The following RNF207 variants were observed in gnomAD, a reference collection of about 807,000 sequenced individuals.
RNF207 encodes OTTHUMG00000001089.
RNF207 carries 72 observed loss-of-function variants against 79.0 expected under a neutral mutation model. The observed-to-expected ratio is 0.91, with a 90% CI of 0.75 to 1.11. The LOEUF (loss-of-function observed/expected upper bound fraction) is 1.11. Ranked by LOEUF, RNF207 falls within the 50% of genes least tolerant of loss-of-function variation. The pLI is 0.00. For synonymous variants in RNF207, 348 were observed against 366.2 expected, an observed-to-expected ratio of 0.95 and a Z score of 0.57; for missense variants, 936 against 855.8, an observed-to-expected ratio of 1.09 and a Z score of -1.17.
Position 6,207,459 on chromosome 1 carries a change from A to G in RNF207, c.272A>G (p.Asp91Gly). The G allele has an allele frequency of 6.4e-7, 1 of 1,563,234 alleles. No homozygotes were observed. Among genetic ancestry groups the G allele is most frequent in the Non-Finnish European group, 8.7e-7 (1 of 1,150,668 alleles). Residue 91 changes from aspartate (D) to glycine (G), a missense_variant, in exon 3 of 18, where the codon GAT (aspartate) becomes GGT (glycine). Physicochemically the swap from Asp to Gly is moderately conservative, Grantham distance 94. Transcript: ENST00000377939. This position sits in a 1 kb window ranked among gnomAD's most constrained non-coding sequence, Gnocchi z 4.5. ...CAGTTCCTGGTGGACAGCTCAGGGG[A>G]TGGCGTGGAGGCGGTGCGCTGTGCC... The part of the protein sequence containing the change: ...LLQFLVDSSG[D>G]GVEAVRCANC...
Position 6,217,490 on chromosome 1 carries a change from G to T in RNF207, c.1653-799G>T, listed in dbSNP as rs929001857. On this transcript the variant is annotated intron_variant, in intron 16 of 17. Coordinates refer to ENST00000377939, the MANE Select transcript of RNF207 (RefSeq NM_207396.3). This position sits in a 1 kb window ranked among gnomAD's most constrained non-coding sequence, Gnocchi z 4.2. ...CCCTACCTGGATGTCTACAGGCACC[G>T]CGAGTTCAGCAGTGGCCAGAATGCT... Among the ~76,000 whole-genome samples the T allele has an allele frequency of 1.3e-5, 2 of 152,134 alleles. No individual in the cohort carries two copies. Among genetic ancestry groups the T allele is most frequent in the South Asian group, 2.1e-4 (1 of 4,830 alleles).
intron 14 of RNF207, 31 bp downstream of exon 14, chr1:6,212,447 C>T (rs979534842): frequency 2.5e-6 from 4 of 1,579,176 alleles, no homozygotes; most frequent in African/African-American, 1.3e-5. Flanking sequence ...AACTCCAGCC[C>T]CACCTGTCAG....
rs1037985491 is a variant in RNF207, at chr1:6,220,251, T to C, written c.*844T>C. Reference sequence around the variant, plus strand: ...CCTTGTCACAGTAGCTTGGGATGACTCCCAGTCCACATGGAAAACATCAGG... The same window carrying C: ...CCTTGTCACAGTAGCTTGGGATGACCCCCAGTCCACATGGAAAACATCAGG... On this transcript the variant is annotated 3_prime_UTR_variant, in exon 18 of 18. Transcript: ENST00000377939. 4.6e-5 allele frequency: 7 copies of C among 152,206 alleles called. No individual in the cohort carries two copies. The highest frequency in any genetic ancestry group is 1.3e-4 in the Admixed American group (2 of 15,284). The allele number at this position is 152,206 out of a possible 1,614,324, so 9.4% of individuals were successfully genotyped here.
At position 6,212,263 on chromosome 1, in the gene RNF207, C is replaced by T. The variant is rs1668205346; in HGVS notation, c.1329C>T (p.Asp443=). 1 of 1,612,432 alleles carries T rather than the reference C, an allele frequency of 6.2e-7. No homozygotes were observed. The highest frequency in any genetic ancestry group is 8.5e-7 in the Non-Finnish European group (1 of 1,179,506). ...AGGCAGAGATGCAGAGCCTAAAGGACCAGGTACAGGAGCTGCACCGAGACC... is the reference window on the plus strand; with the variant it reads ...AGGCAGAGATGCAGAGCCTAAAGGATCAGGTACAGGAGCTGCACCGAGACC... ...HLQAEMQSLK[D]QVQELHRDLT... Residue 443 remains aspartate (D), a synonymous_variant, in exon 14 of 18, where the codon GAC becomes GAT. Coordinates refer to ENST00000377939, the MANE Select transcript of RNF207 (RefSeq NM_207396.3).
rs372763474 is a variant in RNF207 at position 6,212,706 on chromosome 1, G to C, written c.1507G>C (p.Val503Leu). The change falls in exon 15 of 18, where the codon GTG becomes CTG. Residue 503 changes from valine to leucine, a missense_variant. Val to Leu is a conservative substitution (Grantham distance 32). Coordinates refer to ENST00000377939, the MANE Select transcript of RNF207 (RefSeq NM_207396.3). ...QEIWEEAYQR[V>L]ANEQEIYEAQ... ...GATTTGGGAGGAAGCCTATCAGCGA[G>C]TGGCTAATGAGCAGGAGATTTATGA... 1.2e-6 allele frequency: 2 copies of C among 1,613,836 alleles called. No homozygotes were observed. Among genetic ancestry groups the C allele is most frequent in the African/African-American group, 2.7e-5 (2 of 74,912 alleles).
rs910748567 is a variant in RNF207 at position 6,206,557 on chromosome 1, C to T, written c.22C>T (p.Pro8Ser). 1.9e-6 allele frequency: 3 copies of T among 1,590,900 alleles called. No homozygotes were observed. In the African/African-American group the frequency reaches 4.0e-5, roughly 21 times the overall value. Residue 8 changes from proline (P) to serine (S), a missense_variant, in exon 2 of 18, where the codon CCC becomes TCC. Physicochemically the swap from Pro to Ser is moderately conservative, Grantham distance 74. Coordinates refer to ENST00000377939, the MANE Select transcript of RNF207 (RefSeq NM_207396.3). Reference protein sequence around the residue: MSGAIFGPLEGPSSLDAP... With the variant: MSGAIFGSLEGPSSLDAP... ...GCAGATGTCGGGAGCTATCTTCGGG[C>T]CCCTGGAGGGCCCGAGCTCCCTGGA... is the stretch of plus-strand genomic sequence containing the variant.
At position 6,211,783 on chromosome 1, in the gene RNF207, G is replaced by T. The variant is rs1469606947; in HGVS notation, c.1110-84G>T. ...TGGTGGAGAGGGCTGTGAGATCCCG[G>T]AGCAGTCCAGGGGGCTGCCCTGGGA... On this transcript the variant is annotated intron_variant, in intron 12 of 17. Transcript: ENST00000377939. This position sits in a 1 kb window ranked among gnomAD's most constrained non-coding sequence, Gnocchi z 4.2. 1 of 978,078 alleles carries T rather than the reference G, an allele frequency of 1.0e-6. No individual in the cohort carries two copies. Among genetic ancestry groups the T allele is most frequent in the Non-Finnish European group, 1.5e-6 (1 of 660,358 alleles). 60.6% of individuals were successfully genotyped at this position (978,078 alleles called of 1,614,324 possible).
chr1:6,206,559 C>G lies in RNF207; in HGVS notation c.24C>G (p.Pro8=). Residue 8 remains proline (P), a synonymous_variant, in exon 2 of 18, where the codon CCC becomes CCG. Transcript: ENST00000377939. MSGAIFG[P]LEGPSSLDAP... is the part of the protein sequence containing the mutation. ...AGATGTCGGGAGCTATCTTCGGGCCCCTGGAGGGCCCGAGCTCCCTGGATG... is the reference window on the plus strand; with the variant it reads ...AGATGTCGGGAGCTATCTTCGGGCCGCTGGAGGGCCCGAGCTCCCTGGATG... 6.3e-7 allele frequency: 1 copy of G among 1,592,868 alleles called. No individual in the cohort carries two copies. Among genetic ancestry groups the G allele is most frequent in the Non-Finnish European group, 8.5e-7 (1 of 1,176,480 alleles).
At position 6,207,662 on chromosome 1, in the gene RNF207, C is replaced by T. The variant is rs986829029; in HGVS notation, c.324+151C>T. 2.3e-6 allele frequency: 2 copies of T among 856,022 alleles called. No individual in the cohort carries two copies. Among genetic ancestry groups the T allele is most frequent in the South Asian group, 2.9e-5 (2 of 69,820 alleles). The allele number at this position is 856,022 out of a possible 1,614,324, so 53.0% of individuals were successfully genotyped here. A position where few individuals can be genotyped will look rare whatever the true frequency, so the allele number is the denominator to read the frequency against. On this transcript the variant is annotated intron_variant, in intron 3 of 17. Transcript: ENST00000377939. The surrounding 1 kb of genome is among the most constrained non-coding windows in gnomAD (Gnocchi z 4.5). ...AGGGCACCTTGGCCCCAAATGTGAA[C>T]CCCATTATACCGGTGGGGAGACTGA... is the stretch of plus-strand genomic sequence containing the variant.
At chr1:6,208,655 C>T (rs1189215937) in intron 3 of RNF207, 35 of 544,934 alleles carry the variant, frequency 6.4e-5, no homozygotes, top group Non-Finnish European at 1.1e-4. Flanking sequence ...CCCGCGTCCC[C>T]CACCCCCCTC....
chr1:6,211,124 C>A lies in RNF207; in HGVS notation c.1109+6C>A. The A allele has an allele frequency of 6.4e-7, 1 of 1,573,056 alleles. No individual in the cohort carries two copies. ...GCTGCAAGTGGTGCTAACACGTGAG[C>A]AGCAACCGGGGAGGCCAGGCACAAG... On this transcript the variant is annotated splice_donor_region_variant and intron_variant, in intron 12 of 17. Coordinates refer to ENST00000377939, the MANE Select transcript of RNF207 (RefSeq NM_207396.3). The surrounding 1 kb of genome is among the most constrained non-coding windows in gnomAD (Gnocchi z 4.2).
chr1:6,218,249 C>T, intron 16 of RNF207, 40 bp from the exon 17 acceptor site: 1 of 1,446,252 alleles, frequency 6.9e-7, no homozygotes, highest in Admixed American at 1.7e-5. Flanking sequence ...CAGCAGCTGG[C>T]TCTGCTCCCT....
rs1315554827 is a variant in RNF207 at position 6,221,213 on chromosome 1, TTTTA to T, written c.*1811_*1814del. 1 of 152,620 alleles carries T rather than the reference TTTTA, an allele frequency of 6.6e-6. No individual in the cohort carries two copies. Among genetic ancestry groups the T allele is most frequent in the Non-Finnish European group, 1.5e-5 (1 of 68,042 alleles). The allele number at this position is 152,620 out of a possible 1,614,324, so 9.5% of individuals were successfully genotyped here. ...TGTGGTTGAGTGAAATCAAGTGCAGTTTTATTTAAGAACTGGAAAGAATAATCAG... is the reference window on the plus strand; with the variant it reads ...TGTGGTTGAGTGAAATCAAGTGCAGTTTTAAGAACTGGAAAGAATAATCAG... On this transcript the variant is annotated 3_prime_UTR_variant, in exon 18 of 18. Coordinates refer to ENST00000377939, the MANE Select transcript of RNF207 (RefSeq NM_207396.3).
chr1:6,216,431 A>G (rs1380737174), intron 16 of RNF207, among the ~76,000 whole-genome samples: 2 of 152,046 alleles, frequency 1.3e-5, no homozygotes, highest in African/African-American at 4.8e-5. Context: ...CCCTCAACCC[A>G]CTTCACTCCA....
In RNF207 at chr1:6,209,906, G is replaced by T. The variant is rs560020799; in HGVS notation, c.754-18G>T. The T allele has an allele frequency of 7.0e-6, 11 of 1,572,584 alleles. No homozygotes were observed. Among genetic ancestry groups the T allele is most frequent in the African/African-American group, 4.1e-5 (3 of 73,082 alleles). On this transcript the variant is annotated intron_variant, in intron 7 of 17. Coordinates refer to ENST00000377939, the MANE Select transcript of RNF207 (RefSeq NM_207396.3). ...GGGCTGGGGCGCAAATCAAGAGCAT[G>T]CTCGCCATCTCTCCCAGGACAGGCT...
Position 6,208,899 on chromosome 1 carries a change from T to C in RNF207, c.343T>C (p.Phe115Leu), listed in dbSNP as rs1277682351. 3 of 1,532,644 alleles carry C rather than the reference T, an allele frequency of 2.0e-6. No homozygotes were observed. Among genetic ancestry groups the C allele is most frequent in the Non-Finnish European group, 1.7e-6 (2 of 1,144,862 alleles). 94.9% of individuals were successfully genotyped at this position (1,532,644 alleles called of 1,614,324 possible). Residue 115 changes from phenylalanine (F) to leucine (L), a missense_variant, in exon 4 of 18, where the codon TTC becomes CTC. Physicochemically the swap from Phe to Leu is conservative, Grantham distance 22. Transcript: ENST00000377939. ...CSEQDVETTY[F>L]CNTCGQPLCA... ...CCCGCAGGACGTGGAGACCACGTAC[T>C]TCTGCAACACGTGCGGACAGCCCCT...
Position 6,213,088 on chromosome 1 carries a change from G to C in RNF207, c.1557G>C (p.Gln519His). ...CAGCCCAGCTCCATGACCTTCTCCAGCTGAGGCAGGAGAATGCCTACCTGA... is the reference window on the plus strand; with the variant it reads ...CAGCCCAGCTCCATGACCTTCTCCACCTGAGGCAGGAGAATGCCTACCTGA... ...IYEAQLHDLL[Q>H]LRQENAYLTT... The change falls in exon 16 of 18, where the codon CAG becomes CAC. Residue 519 changes from glutamine to histidine, a missense_variant. By Grantham distance (24) the Gln-to-His change is conservative. Transcript: ENST00000377939. The C allele has an allele frequency of 6.2e-7, 1 of 1,613,370 alleles. No individual in the cohort carries two copies. Among genetic ancestry groups the C allele is most frequent in the South Asian group, 1.1e-5 (1 of 91,032 alleles).
Position 6,206,454 on chromosome 1 carries a change from C to G in RNF207, c.1-82C>G, listed in dbSNP as rs996154831. On this transcript the variant is annotated intron_variant, in intron 1 of 17. Transcript: ENST00000377939. ...GGGTCCAGGCGCGATAGGGAGGGCG[C>G]GGGCGCCCGGGCAGAGGGGCCGCGG... The G allele has an allele frequency of 7.5e-6, 8 of 1,067,220 alleles. No homozygotes were observed. In the African/African-American group the frequency reaches 1.3e-4, roughly 17 times the overall value. 66.1% of individuals were successfully genotyped at this position (1,067,220 alleles called of 1,614,324 possible).
At chr1:6,213,734 C>G (rs914769932) in intron 16 of RNF207, among the ~76,000 whole-genome samples, 19 of 152,172 alleles carry the variant, frequency 1.2e-4, no homozygotes, top group African/African-American at 4.6e-4. Context: ...TGGGCTGATC[C>G]AGGCAGCAGG....
Sources: allele counts gnomAD v4.1 joint callset (sites outside exome capture counted in the v4.1 genomes callset), GRCh38; gene constraint gnomAD v4.1.1; non-coding constraint Gnocchi (gnomAD v3.1); transcripts MANE v1.5; gene names NCBI Gene and HGNC (gene_info 2026-07-23, HGNC 2026-07-21).